The following RERE variants were observed in gnomAD, a reference collection of about 807,000 sequenced individuals.
RERE encodes the protein arginine-glutamic acid dipeptide repeats, also known as arginine-glutamic acid dipeptide repeats protein.
In RERE, 40 loss-of-function variants were observed where a neutral mutation model predicts 146.1. The observed-to-expected ratio is 0.27, with a 90% CI of 0.21 to 0.36. The LOEUF is 0.36. Ranked by LOEUF, RERE falls within the 10% of genes least tolerant of loss-of-function variation. The pLI, the probability that RERE is intolerant of heterozygous loss-of-function variation, is 1.00. For synonymous variants in RERE, 1,003 were observed against 866.0 expected (o/e 1.16, Z -2.78); for missense variants, 1,933 against 2,138.7 (o/e 0.90, Z 1.90).
At chr1:8,399,264 T>A (rs549191419) in intron 12 of RERE, among the ~76,000 whole-genome samples, 1 of 152,252 alleles carries the variant, frequency 6.6e-6, no homozygotes, top group African/African-American at 2.4e-5. Context: ...GAGTTGTACT[T>A]TTTGTACTAT....
chr1:8,642,900 C>A (rs61785505), intron 2 of RERE, among the ~76,000 whole-genome samples: 1 of 152,168 alleles, frequency 6.6e-6, no homozygotes, highest in Non-Finnish European at 1.5e-5. Context: ...CCAAGAGAGG[C>A]ACCTAGGGCT....
chr1:8,446,818 C>T (rs1380838468), intron 11 of RERE, among the ~76,000 whole-genome samples: 2 of 151,822 alleles, frequency 1.3e-5, no homozygotes, highest in Non-Finnish European at 2.9e-5. Context: ...GGACTACAGG[C>T]GCCCACTGCC....
intron 8 of RERE, among the ~76,000 whole-genome samples, chr1:8,507,666 C>G (rs972638993): frequency 5.3e-5 from 8 of 151,272 alleles, no homozygotes; most frequent in Admixed American, 2.6e-4. Flanking sequence ...GCCTCAGCCT[C>G]CCAAAGTACT....
intron 4 of RERE, among the ~76,000 whole-genome samples, chr1:8,580,257 A>G (rs190912632): frequency 1.1e-3 from 166 of 152,296 alleles, no homozygotes; most frequent in African/African-American, 3.9e-3. Flanking sequence ...AACAACTTAA[A>G]TATCTAGAGA....
rs555368481 is a variant in RERE at position 8,709,331 on chromosome 1, G to C, written c.-144-52890C>G. ...GACAGGGTCTCAGTATGTTGCCCACGTTGGTCATGAACTCCTGAGCTCAAG... is the reference window on the plus strand; with the variant it reads ...GACAGGGTCTCAGTATGTTGCCCACCTTGGTCATGAACTCCTGAGCTCAAG... On this transcript the variant is annotated intron_variant, in intron 1 of 22. Coordinates refer to ENST00000400908, the MANE Select transcript of RERE (RefSeq NM_001042681.2). Among the ~76,000 whole-genome samples the C allele has an allele frequency of 2.9e-3, 444 of 150,822 alleles. 5 individuals carry two copies. The highest frequency in any genetic ancestry group is 0.015 in the South Asian group (72 of 4,746).
chr1:8,449,026 C>T (rs1386560196), intron 11 of RERE, among the ~76,000 whole-genome samples: 1 of 152,172 alleles, frequency 6.6e-6, no homozygotes, highest in East Asian at 1.9e-4. Flanking sequence ...GGGGACAGCC[C>T]TGAGACATGA....
chr1:8,657,685 A>C (rs1014476704), intron 1 of RERE, among the ~76,000 whole-genome samples: 2 of 152,116 alleles, frequency 1.3e-5, no homozygotes, highest in African/African-American at 4.8e-5. Flanking sequence ...TGTCTCTACT[A>C]AACACACAAA....
At chr1:8,555,051 GA>G (rs2124420960) in intron 6 of RERE, among the ~76,000 whole-genome samples, 1 of 152,324 alleles carries the variant, frequency 6.6e-6, no homozygotes, top group East Asian at 1.9e-4. Context: ...AAAACACTGA[GA>G]AACTCTCTAA....
intron 1 of RERE, among the ~76,000 whole-genome samples, chr1:8,707,134 T>C (rs1023061561): frequency 5.3e-5 from 8 of 152,092 alleles, no homozygotes; most frequent in African/African-American, 1.9e-4. Flanking sequence ...CACCCGTCAT[T>C]TATCAAAACA....
chr1:8,613,700 G>A (rs1646818047), intron 4 of RERE, among the ~76,000 whole-genome samples: 1 of 152,160 alleles, frequency 6.6e-6, no homozygotes, highest in African/African-American at 2.4e-5. Context: ...AGTATGAACT[G>A]GGGCACCACA....
intron 7 of RERE, among the ~76,000 whole-genome samples, chr1:8,532,180 C>A (rs1645662830): frequency 6.6e-6 from 1 of 152,198 alleles, no homozygotes; most frequent in African/African-American, 2.4e-5. Flanking sequence ...TAAATTTGGA[C>A]ATGCATATTT....
intron 1 of RERE, among the ~76,000 whole-genome samples, chr1:8,661,374 G>A (rs991294868): frequency 3.3e-5 from 5 of 152,134 alleles, no homozygotes; most frequent in African/African-American, 4.8e-5. Flanking sequence ...AGGCCTCATG[G>A]GCCAGGGAAA....
At chr1:8,762,117 C>T (rs1047802428) in intron 1 of RERE, among the ~76,000 whole-genome samples, 39 of 152,156 alleles carry the variant, frequency 2.6e-4, no homozygotes, top group Non-Finnish European at 7.4e-5. Flanking sequence ...CAAATGCCTC[C>T]TTCTCCAAGC....
At chr1:8,457,459 T>A (rs1300027488) in intron 11 of RERE, among the ~76,000 whole-genome samples, 2 of 152,192 alleles carry the variant, frequency 1.3e-5, no homozygotes, top group Non-Finnish European at 2.9e-5. Context: ...ATTAGTTGCA[T>A]GCAGGGTGTT....
intron 4 of RERE, among the ~76,000 whole-genome samples, chr1:8,594,127 G>A (rs1331039648): frequency 6.6e-6 from 1 of 152,094 alleles, no homozygotes; most frequent in Non-Finnish European, 1.5e-5. Flanking sequence ...ATTCTCACAT[G>A]AGAATAACCC....
intron 2 of RERE, among the ~76,000 whole-genome samples, chr1:8,627,426 AC>A (rs1051449356): frequency 1.3e-5 from 2 of 152,066 alleles, no homozygotes; most frequent in African/African-American, 4.8e-5. Context: ...ACATGGTGAA[AC>A]CCCAACTACA....
chr1:8,625,503 A>C (rs938717664), intron 2 of RERE, among the ~76,000 whole-genome samples: 1 of 152,162 alleles, frequency 6.6e-6, no homozygotes, highest in Non-Finnish European at 1.5e-5. Context: ...ACAGGGCCTC[A>C]CTATGTTGCC....
chr1:8,771,990 C>T lies in RERE; in HGVS notation c.-145+45170G>A, dbSNP rs549329637. On this transcript the variant is annotated intron_variant, in intron 1 of 22. Transcript: ENST00000400908. ...ACTTGTGAGAACTCTGCTGCAAACG[C>T]TGTTTAGGAAAACATATAAAATTTT... Among the ~76,000 whole-genome samples, 3 of 151,566 alleles carry T rather than the reference C, an allele frequency of 2.0e-5. No homozygotes were observed. The South Asian group carries it at 6.3e-4, about 32-fold the overall frequency.
chr1:8,437,469 G>A (rs548727423), intron 11 of RERE, among the ~76,000 whole-genome samples: 3 of 151,726 alleles, frequency 2.0e-5, no homozygotes, highest in Middle Eastern at 3.4e-3. Context: ...CTGGTCTCCC[G>A]CCTACCCCAT....
Sources: allele counts gnomAD v4.1 joint callset (sites outside exome capture counted in the v4.1 genomes callset), GRCh38; gene constraint gnomAD v4.1.1; transcripts MANE v1.5; gene names NCBI Gene and HGNC (gene_info 2026-07-23, HGNC 2026-07-21).